Variants in TAFA5 observed in about 807,000 individuals in gnomAD.
TAFA5 encodes chemokine-like protein TAFA-5.
TAFA5 carries 6 observed loss-of-function variants against 15.3 expected under a neutral mutation model. The ratio of observed to expected loss-of-function variants is 0.39; its 90% confidence interval spans 0.21 to 0.77. The LOEUF (loss-of-function observed/expected upper bound fraction) is 0.77. Ranked by LOEUF, TAFA5 falls within the 30% of genes least tolerant of loss-of-function variation. The pLI, the probability that TAFA5 is intolerant of heterozygous loss-of-function variation, is 0.41. For synonymous variants in TAFA5, 103 were observed against 80.7 expected (o/e 1.28, Z -1.48); for missense variants, 161 against 193.1 (o/e 0.83, Z 0.98).
chr22:48,630,087 G>C (rs556706948), intron 1 of TAFA5, among the ~76,000 whole-genome samples: 1 of 152,164 alleles, frequency 6.6e-6, no homozygotes, highest in Admixed American at 6.5e-5. Context: ...GGCGGGGGAC[G>C]AGCAGGTGGA....
intron 3 of TAFA5, among the ~76,000 whole-genome samples, chr22:48,749,348 C>T (rs9628481): frequency 0.01 from 1,543 of 152,266 alleles, 27 homozygotes; most frequent in African/African-American, 0.035. Flanking sequence ...TGTAGAGGCC[C>T]GGCGTGGATG....
intron 1 of TAFA5, among the ~76,000 whole-genome samples, chr22:48,626,012 T>C (rs1213626340): frequency 1.3e-5 from 2 of 152,264 alleles, no homozygotes; most frequent in African/African-American, 4.8e-5. Flanking sequence ...CATGTGTCTC[T>C]TGTGGCTTGG....
Position 48,606,073 on chromosome 22 carries a change from G to A in TAFA5, c.113-40524G>A, listed in dbSNP as rs142473496. ...TCTGACCTTGGGAGGCTTCGGAGCC[G>A]GGCACCTGTCCTGCCACGTGACTGC... On this transcript the variant is annotated intron_variant, in intron 1 of 3. Coordinates refer to ENST00000402357, the MANE Select transcript of TAFA5 (RefSeq NM_001082967.3). Among the ~76,000 whole-genome samples the A allele has an allele frequency of 3.3e-5, 5 of 152,248 alleles. No homozygotes were observed. In the East Asian group the frequency reaches 5.8e-4, roughly 18 times the overall value.
intron 2 of TAFA5, among the ~76,000 whole-genome samples, chr22:48,656,728 ATTTTTTTTTCT>A (rs1927260738): frequency 1.0e-5 from 1 of 96,570 alleles, no homozygotes; most frequent in Non-Finnish European, 1.8e-5. Context: ...ATGGAGTCTC[ATTTTTTTTTCT>A]TTTGAGATGG....
intron 2 of TAFA5, among the ~76,000 whole-genome samples, chr22:48,656,922 T>C (rs6010565): frequency 0.8 from 120,765 of 151,684 alleles, 48,247 homozygotes; most frequent in East Asian, 0.91. Context: ...TGCACTGCCA[T>C]GCCCAGCTAT....
chr22:48,540,946 G>A (rs9627371), intron 1 of TAFA5, among the ~76,000 whole-genome samples: 7,366 of 151,802 alleles, frequency 0.049, 570 homozygotes, highest in African/African-American at 0.17. Flanking sequence ...GGTCCTGGTA[G>A]CAGCTCTCTG....
In TAFA5 at chr22:48,594,985, C is replaced by T. The variant is rs184112722; in HGVS notation, c.113-51612C>T. Among the ~76,000 whole-genome samples, 723 of 152,052 alleles carry T rather than the reference C, an allele frequency of 4.8e-3. 6 individuals carry two copies. The highest frequency in any genetic ancestry group is 0.016 in the African/African-American group (656 of 41,472). ...TGTACCCCTGAGGGAATTTGCAGATCAGCTCTCCCTGTCCACACGGGGCAC... is the reference window on the plus strand; with the variant it reads ...TGTACCCCTGAGGGAATTTGCAGATTAGCTCTCCCTGTCCACACGGGGCAC... On this transcript the variant is annotated intron_variant, in intron 1 of 3. Coordinates refer to ENST00000402357, the MANE Select transcript of TAFA5 (RefSeq NM_001082967.3).
At chr22:48,614,804 G>C (rs1445181068) in intron 1 of TAFA5, among the ~76,000 whole-genome samples, 4 of 152,208 alleles carry the variant, frequency 2.6e-5, no homozygotes, top group African/African-American at 9.6e-5. Context: ...TCCAGCACTT[G>C]TAGTGTGTGA....
intron 1 of TAFA5, among the ~76,000 whole-genome samples, chr22:48,498,672 G>T (rs1379331036): frequency 2.0e-5 from 3 of 152,086 alleles, no homozygotes; most frequent in Admixed American, 1.3e-4. Flanking sequence ...CTGTGGCAGG[G>T]GTCTGCCTGT....
At chr22:48,670,515 T>G (rs961836356) in intron 2 of TAFA5, among the ~76,000 whole-genome samples, 2 of 152,172 alleles carry the variant, frequency 1.3e-5, no homozygotes, top group African/African-American at 4.8e-5. Flanking sequence ...CCGGCTGGGC[T>G]CAGCCCCACT....
chr22:48,566,233 T>G lies in TAFA5; in HGVS notation c.112+76529T>G, dbSNP rs1236282353. On this transcript the variant is annotated intron_variant, in intron 1 of 3. Transcript: ENST00000402357. This position sits in a 1 kb window ranked among gnomAD's most constrained non-coding sequence, Gnocchi z 4.5. ...GATGGGTGGATGGTAGGTAGATGGA[T>G]GATGGGTGGATGGTAGGTAGATGGA... Among the ~76,000 whole-genome samples the G allele has an allele frequency of 1.3e-5, 2 of 149,328 alleles. No individual in the cohort carries two copies. Among genetic ancestry groups the G allele is most frequent in the Non-Finnish European group, 3.0e-5 (2 of 67,406 alleles).
intron 1 of TAFA5, among the ~76,000 whole-genome samples, chr22:48,585,657 GCACACACAC>G (rs201489331): frequency 0.055 from 7,880 of 142,626 alleles, 317 homozygotes; most frequent in South Asian, 0.2. Context: ...TATGCATTAT[GCACACACAC>G]CACACACACC....
At chr22:48,633,014 G>A (rs1025408376) in intron 1 of TAFA5, among the ~76,000 whole-genome samples, 1 of 152,178 alleles carries the variant, frequency 6.6e-6, no homozygotes, top group Non-Finnish European at 1.5e-5. Context: ...GGCCCCTGGC[G>A]CCCTGTGGGA....
chr22:48,495,134 G>A (rs1601832672), intron 1 of TAFA5, among the ~76,000 whole-genome samples: 2 of 152,228 alleles, frequency 1.3e-5, no homozygotes, highest in African/African-American at 4.8e-5. Flanking sequence ...CACCTGCCAT[G>A]GGGTGAGCCT....
intron 1 of TAFA5, among the ~76,000 whole-genome samples, chr22:48,611,869 G>A (rs1262398037): frequency 6.6e-6 from 1 of 152,208 alleles, no homozygotes; most frequent in Non-Finnish European, 1.5e-5. Flanking sequence ...CAGATGTGCG[G>A]CCCTGAGGGC....
At chr22:48,717,263 G>A (rs574461529) in intron 3 of TAFA5, among the ~76,000 whole-genome samples, 4 of 152,212 alleles carry the variant, frequency 2.6e-5, no homozygotes, top group African/African-American at 7.2e-5. Flanking sequence ...CTTGCAGAGC[G>A]CAGGCTGCGA....
chr22:48,703,844 A>G (rs980037238), intron 2 of TAFA5, among the ~76,000 whole-genome samples: 1 of 151,728 alleles, frequency 6.6e-6, no homozygotes, highest in Non-Finnish European at 1.5e-5. Context: ...TGCCAACCCC[A>G]CTCCTGCTGG....
Position 48,490,376 on chromosome 22 carries a change from C to T in TAFA5, c.112+672C>T, listed in dbSNP as rs1253265258. ...GGCGCGGGCGCGGGCTGGGGTGGTG[C>T]GGGCCAGTGGGCGCCCGGGCGTGAG... On this transcript the variant is annotated intron_variant, in intron 1 of 3. Coordinates refer to ENST00000402357, the MANE Select transcript of TAFA5 (RefSeq NM_001082967.3). This position sits in a 1 kb window ranked among gnomAD's most constrained non-coding sequence, Gnocchi z 5.8. Among the ~76,000 whole-genome samples the T allele has an allele frequency of 6.6e-6, 1 of 151,016 alleles. No homozygotes were observed. The highest frequency in any genetic ancestry group is 2.1e-4 in the South Asian group (1 of 4,740).
chr22:48,521,632 GGAGCCATCCC>G (rs1396387304), intron 1 of TAFA5, among the ~76,000 whole-genome samples: 1 of 152,122 alleles, frequency 6.6e-6, no homozygotes, highest in African/African-American at 2.4e-5. Flanking sequence ...TGAGTTTCGG[GGAGCCATCCC>G]AGCCAGCCGC....
Sources: allele counts gnomAD v4.1 joint callset (sites outside exome capture counted in the v4.1 genomes callset), GRCh38; gene constraint gnomAD v4.1.1; non-coding constraint Gnocchi (gnomAD v3.1); transcripts MANE v1.5; gene names NCBI Gene and HGNC (gene_info 2026-07-23, HGNC 2026-07-21).